Variants in SBF2 observed in about 807,000 individuals in gnomAD.
The protein encoded by SBF2 is SET binding factor 2, also known as myotubularin-related protein 13.
Under a neutral mutation model 225.2 loss-of-function variants are expected in SBF2, and 112 were observed. The ratio of observed to expected loss-of-function variants is 0.50; its 90% CI spans 0.43 to 0.58. The LOEUF is 0.58. Ranked by LOEUF, SBF2 falls within the 20% of genes least tolerant of loss-of-function variation. The pLI is 0.00. For missense variants in SBF2, 1,996 were observed against 2,206.2 expected (o/e 0.90, Z 1.91); for synonymous variants, 763 against 773.3 (o/e 0.99, Z 0.22).
At chr11:10,254,859 C>G (rs1398957552) in intron 1 of SBF2, among the ~76,000 whole-genome samples, 1 of 117,044 alleles carries the variant, frequency 8.5e-6, no homozygotes, top group African/African-American at 3.3e-5. Flanking sequence ...TGAGATTGTG[C>G]CATTGCACTC....
At chr11:9,882,414 C>T (rs942889366) in intron 17 of SBF2, among the ~76,000 whole-genome samples, 1 of 152,188 alleles carries the variant, frequency 6.6e-6, no homozygotes, top group African/African-American at 2.4e-5. Flanking sequence ...ATACAATTGT[C>T]TAACTTCAGC....
chr11:10,024,355 T>C (rs905446009), intron 6 of SBF2, among the ~76,000 whole-genome samples: 1 of 151,860 alleles, frequency 6.6e-6, no homozygotes, highest in Non-Finnish European at 1.5e-5. Flanking sequence ...TCAAACTGTG[T>C]TCCAAGATAG....
At chr11:9,795,737 T>C in intron 33 of SBF2, 94 bp downstream of exon 33, 1 of 1,453,936 alleles carries the variant, frequency 6.9e-7, no homozygotes, top group South Asian at 1.2e-5. Flanking sequence ...TTAACTCAGC[T>C]TGTCAGTCTT....
chr11:9,894,747 G>A (rs959826663), intron 17 of SBF2, among the ~76,000 whole-genome samples: 2 of 152,150 alleles, frequency 1.3e-5, no homozygotes, highest in Non-Finnish European at 2.9e-5. Flanking sequence ...TTGGGAGGCC[G>A]AGGCAGGTGG....
chr11:10,090,712 C>T (rs1200791129), intron 2 of SBF2, among the ~76,000 whole-genome samples: 2 of 139,444 alleles, frequency 1.4e-5, no homozygotes, highest in African/African-American at 2.7e-5. Context: ...CTGCAGTGAG[C>T]CGAGATTGTG....
chr11:10,285,001 A>G (rs946862820), intron 1 of SBF2, among the ~76,000 whole-genome samples: 1 of 152,064 alleles, frequency 6.6e-6, no homozygotes, highest in Non-Finnish European at 1.5e-5. Flanking sequence ...AAGACACTTT[A>G]GGAACAAAAA....
At chr11:9,842,423 G>A (rs1334788609) in intron 25 of SBF2, among the ~76,000 whole-genome samples, 1 of 152,144 alleles carries the variant, frequency 6.6e-6, no homozygotes, top group Non-Finnish European at 1.5e-5. Context: ...TAGTAAAGAA[G>A]TATAATTTAA....
At chr11:9,935,755 T>A (rs756143476) in intron 16 of SBF2, among the ~76,000 whole-genome samples, 1 of 152,232 alleles carries the variant, frequency 6.6e-6, no homozygotes. Flanking sequence ...ACTAGCCATA[T>A]GTAGAAAGCT....
At chr11:9,837,040 C>T (rs1855771757) in intron 26 of SBF2, among the ~76,000 whole-genome samples, 1 of 152,056 alleles carries the variant, frequency 6.6e-6, no homozygotes, top group African/African-American at 2.4e-5. Context: ...TGAGTAATGG[C>T]AGTTTTATTT....
chr11:9,839,442 T>G (rs1409318991), intron 26 of SBF2, 56 bp downstream of exon 26: 2 of 1,548,770 alleles, frequency 1.3e-6, no homozygotes, highest in African/African-American at 2.7e-5. Context: ...CTATTAAAGA[T>G]TCAAATAAGA....
intron 13 of SBF2, among the ~76,000 whole-genome samples, chr11:9,987,036 T>C (rs1947226672): frequency 6.6e-6 from 1 of 152,198 alleles, no homozygotes; most frequent in African/African-American, 2.4e-5. Context: ...AACAAAATAC[T>C]AGCTAACCAA....
intron 37 of SBF2, among the ~76,000 whole-genome samples, chr11:9,784,739 T>C (rs1370626691): frequency 6.6e-6 from 1 of 152,196 alleles, no homozygotes; most frequent in Non-Finnish European, 1.5e-5. Context: ...GAAGATACTG[T>C]GTGAGAAGCT....
intron 1 of SBF2, among the ~76,000 whole-genome samples, chr11:10,267,561 C>A (rs749692456): frequency 2.6e-4 from 39 of 151,926 alleles, no homozygotes; most frequent in Non-Finnish European, 4.0e-4. Flanking sequence ...TTTGAATGAG[C>A]CAGATATGCT....
intron 2 of SBF2, among the ~76,000 whole-genome samples, chr11:10,054,739 G>A (rs1950190164): frequency 6.6e-6 from 1 of 151,954 alleles, no homozygotes; most frequent in African/African-American, 2.4e-5. Context: ...TTAAAAAGTG[G>A]ACAAATGACA....
At chr11:10,097,780 G>A (rs577320268) in intron 2 of SBF2, among the ~76,000 whole-genome samples, 8 of 152,128 alleles carry the variant, frequency 5.3e-5, no homozygotes, top group South Asian at 2.1e-4. Flanking sequence ...CCCTAAAGCC[G>A]CACAGCCCAG....
At position 9,817,008 on chromosome 11, in the gene SBF2, A is replaced by G; in HGVS notation, c.3810T>C (p.Leu1270=). 6.2e-7 allele frequency: 1 copy of G among 1,614,168 alleles called. No homozygotes were observed. The highest frequency in any genetic ancestry group is 8.5e-7 in the Non-Finnish European group (1 of 1,180,024). Residue 1270 remains leucine (L), a synonymous_variant, in exon 29 of 40, where the codon CTT becomes CTC. Transcript: ENST00000256190. The stretch of plus-strand genomic sequence containing the variant: ...AGCTGATCAAGCGAGTGCTAGAGCG[A>G]AGACTTGCCCACACACCTTCACAAA... ...FALSPGVWAS[L]RSSTRLISSP... is the part of the protein sequence containing the mutation.
At chr11:10,167,424 C>G (rs1413803699) in intron 2 of SBF2, among the ~76,000 whole-genome samples, 8 of 152,138 alleles carry the variant, frequency 5.3e-5, no homozygotes, top group African/African-American at 1.9e-4. Flanking sequence ...AAAAAATTAG[C>G]TGGGCAAGGT....
chr11:10,154,376 G>A (rs966203513), intron 2 of SBF2, among the ~76,000 whole-genome samples: 3 of 151,644 alleles, frequency 2.0e-5, no homozygotes, highest in South Asian at 2.1e-4. Flanking sequence ...AAATAGTTTC[G>A]GTATTTTCTT....
chr11:9,839,903 A>C (rs542425374), intron 25 of SBF2, among the ~76,000 whole-genome samples: 2 of 152,354 alleles, frequency 1.3e-5, no homozygotes, highest in South Asian at 4.1e-4. Context: ...TGGTAGAGAC[A>C]GATATTGAAG....
Sources: allele counts gnomAD v4.1 joint callset (sites outside exome capture counted in the v4.1 genomes callset), GRCh38; gene constraint gnomAD v4.1.1; transcripts MANE v1.5; gene names NCBI Gene and HGNC (gene_info 2026-07-23, HGNC 2026-07-21).